The following TMEM163 variants were observed in gnomAD, a reference collection of about 807,000 sequenced individuals.
TMEM163 encodes transmembrane protein 163.
TMEM163 carries 17 observed loss-of-function variants against 29.3 expected under a neutral mutation model. The observed-to-expected ratio is 0.58, with a 90% CI of 0.40 to 0.87. The LOEUF (loss-of-function observed/expected upper bound fraction) is 0.87. Ranked by LOEUF, TMEM163 falls within the 40% of genes least tolerant of loss-of-function variation. The pLI is 0.00. For synonymous variants in TMEM163, 157 were observed against 160.6 expected, an observed-to-expected ratio of 0.98 and a Z score of 0.17; for missense variants, 303 against 381.5, an observed-to-expected ratio of 0.79 and a Z score of 1.71.
At chr2:134,481,564 A>G (rs1474124111) in intron 5 of TMEM163, among the ~76,000 whole-genome samples, 3 of 151,758 alleles carry the variant, frequency 2.0e-5, no homozygotes, top group African/African-American at 4.8e-5. Context: ...AGTCCATTAA[A>G]CCTCTTTTTC....
rs574894299 is a variant in TMEM163, at chr2:134,456,509, T to A, written c.*207A>T. Reference sequence around the variant, plus strand: ...GGAGACGGGGAAGGAGGTCCATTCCTATGGGCATTGTCCCAACATGTTTGA... The same window carrying A: ...GGAGACGGGGAAGGAGGTCCATTCCAATGGGCATTGTCCCAACATGTTTGA... On this transcript the variant is annotated 3_prime_UTR_variant, in exon 8 of 8. Transcript: ENST00000281924. The A allele has an allele frequency of 8.2e-6, 5 of 608,172 alleles. No individual in the cohort carries two copies. Among genetic ancestry groups the A allele is most frequent in the Non-Finnish European group, 1.5e-5 (5 of 340,046 alleles). 37.7% of individuals were successfully genotyped at this position (608,172 alleles called of 1,614,324 possible).
At chr2:134,486,548 T>C (rs1227360657) in intron 5 of TMEM163, among the ~76,000 whole-genome samples, 1 of 152,214 alleles carries the variant, frequency 6.6e-6, no homozygotes, top group African/African-American at 2.4e-5. Context: ...GCAACTTTAA[T>C]GCAATAAATT....
At chr2:134,470,951 C>T (rs1361373891) in intron 5 of TMEM163, among the ~76,000 whole-genome samples, 1 of 152,188 alleles carries the variant, frequency 6.6e-6, no homozygotes, top group Admixed American at 6.5e-5. Flanking sequence ...GCGGGAAGAA[C>T]ACTTGAAGCC....
At chr2:134,503,043 C>T (rs1483934200) in intron 4 of TMEM163, 46 bp from the exon 5 acceptor site, 1 of 1,530,476 alleles carries the variant, frequency 6.5e-7, no homozygotes, top group Admixed American at 1.8e-5. Context: ...AGAACTCACA[C>T]TGCTGAAGAG....
chr2:134,503,519 G>C (rs576657305), intron 4 of TMEM163, among the ~76,000 whole-genome samples: 2 of 152,188 alleles, frequency 1.3e-5, no homozygotes, highest in Non-Finnish European at 2.9e-5. Context: ...AAAATGGGAA[G>C]CCATTACTGT....
intron 2 of TMEM163, among the ~76,000 whole-genome samples, chr2:134,553,534 A>G (rs913017766): frequency 1.3e-5 from 2 of 152,242 alleles, no homozygotes; most frequent in African/African-American, 4.8e-5. Flanking sequence ...CAGGAAGGCA[A>G]GCATGGGAAA....
intron 2 of TMEM163, among the ~76,000 whole-genome samples, chr2:134,571,554 A>G (rs1479137843): frequency 6.6e-6 from 1 of 152,220 alleles, no homozygotes; most frequent in East Asian, 1.9e-4. Context: ...CCCAAGACTA[A>G]TCCTAGCTTT....
intron 2 of TMEM163, among the ~76,000 whole-genome samples, chr2:134,688,284 C>T (rs1253831198): frequency 6.6e-6 from 1 of 152,132 alleles, no homozygotes; most frequent in Non-Finnish European, 1.5e-5. Context: ...AGCCCTGCTT[C>T]CCCTCCCACC....
intron 2 of TMEM163, among the ~76,000 whole-genome samples, chr2:134,659,712 C>T (rs934785986): frequency 1.2e-4 from 18 of 152,180 alleles, no homozygotes; most frequent in African/African-American, 4.3e-4. Flanking sequence ...AAGGGCCAGG[C>T]ACAGCTCACT....
intron 2 of TMEM163, among the ~76,000 whole-genome samples, chr2:134,593,608 G>T (rs145698844): frequency 1.3e-5 from 2 of 152,126 alleles, no homozygotes; most frequent in African/African-American, 2.4e-5. Flanking sequence ...AGGGTGAGGA[G>T]AATGTCCAGC....
At chr2:134,648,992 G>C (rs906086733) in intron 2 of TMEM163, among the ~76,000 whole-genome samples, 1 of 152,108 alleles carries the variant, frequency 6.6e-6, no homozygotes, top group Admixed American at 6.5e-5. Context: ...TATTTGTAGT[G>C]GGGGAAAATA....
chr2:134,656,133 G>C (rs1030344736), intron 2 of TMEM163, among the ~76,000 whole-genome samples: 1 of 144,172 alleles, frequency 6.9e-6, no homozygotes, highest in African/African-American at 2.8e-5. Flanking sequence ...AATGACGGGC[G>C]CCCCTCCCCC....
rs114079280 is a variant in TMEM163, at chr2:134,576,313, T to C, written c.323-24222A>G. Among the ~76,000 whole-genome samples the C allele has an allele frequency of 6.2e-3, 949 of 152,248 alleles. 5 individuals carry two copies. The highest frequency in any genetic ancestry group is 0.021 in the African/African-American group (868 of 41,524). The stretch of plus-strand genomic sequence containing the variant: ...TAGTCGTGAGACAAGCCTGTGACTG[T>C]TGCATTTCTCACCAAACCCTAAACC... On this transcript the variant is annotated intron_variant, in intron 2 of 7. Coordinates refer to ENST00000281924, the MANE Select transcript of TMEM163 (RefSeq NM_030923.5).
chr2:134,587,068 G>GAAA (rs11384847), intron 2 of TMEM163, among the ~76,000 whole-genome samples: 1 of 150,604 alleles, frequency 6.6e-6, no homozygotes, highest in Non-Finnish European at 1.5e-5. Flanking sequence ...TTAAAGTCCT[G>GAAA]AAAAAAAAAT....
intron 4 of TMEM163, among the ~76,000 whole-genome samples, chr2:134,509,554 C>T (rs912043249): frequency 6.6e-6 from 1 of 152,222 alleles, no homozygotes; most frequent in African/African-American, 2.4e-5. Flanking sequence ...CCAGCCACAG[C>T]GACCGCTTCA....
intron 4 of TMEM163, among the ~76,000 whole-genome samples, chr2:134,505,239 C>CCTTTTTTT (rs373282805): frequency 9.2e-5 from 12 of 130,232 alleles, no homozygotes; most frequent in African/African-American, 3.3e-4. Flanking sequence ...TGGGGAATTC[C>CCTTTTTTT]TTTTTTTTTT....
chr2:134,580,364 ACC>A (rs1159300800), intron 2 of TMEM163, among the ~76,000 whole-genome samples: 1 of 152,216 alleles, frequency 6.6e-6, no homozygotes, highest in African/African-American at 2.4e-5. Context: ...CTGTTTAAGA[ACC>A]AAAGCCCAAT....
At chr2:134,467,867 T>C (rs1172003259) in intron 5 of TMEM163, 1 of 152,224 alleles carries the variant, frequency 6.6e-6, no homozygotes, top group Non-Finnish European at 1.5e-5. Flanking sequence ...TGTAAAACTC[T>C]TCTATTAATC....
rs79994969 is a variant in TMEM163, at chr2:134,586,559, A to G, written c.323-34468T>C. Among the ~76,000 whole-genome samples, 982 of 152,238 alleles carry G rather than the reference A, an allele frequency of 6.5e-3. 34 individuals are homozygous for G. In the East Asian group the frequency reaches 0.11, roughly 17 times the overall value. On this transcript the variant is annotated intron_variant, in intron 2 of 7. Transcript: ENST00000281924. ...CATACTCCAGCATGACCTCATCTTA[A>G]CTCATTAATTACATCTGCAACAATC...
Sources: gnomAD v4.1 joint callset for allele counts (sites outside exome capture counted in the v4.1 genomes callset) on GRCh38, gnomAD v4.1.1 for gene constraint, MANE v1.5 for transcripts, NCBI Gene and HGNC (gene_info 2026-07-23, HGNC 2026-07-21) for gene names.